EN1: variants seen among roughly 807,000 people sequenced by gnomAD.
EN1 encodes the protein engrailed homeobox 1.
A neutral mutation model predicts 22.9 loss-of-function variants in EN1; 8 were observed. That is an observed-to-expected ratio of 0.35 (90% confidence interval 0.20 to 0.63). The LOEUF is 0.63. EN1 is among the 20% of genes least tolerant of loss of function. The pLI is 0.73. For synonymous variants in EN1, 287 were observed against 262.5 expected, an observed-to-expected ratio of 1.09 and a Z score of -0.90; for missense variants, 521 against 572.1, an observed-to-expected ratio of 0.91 and a Z score of 0.91.
rs750434634 is a variant in EN1 at position 118,846,788 on chromosome 2, A to G, written c.380T>C (p.Leu127Pro). Residue 127 changes from leucine (L) to proline (P), a missense_variant, in exon 1 of 2, where the codon CTG becomes CCG. Leu to Pro is a moderately conservative substitution (Grantham distance 98, BLOSUM62 -3). Around this residue, in one of 3 missense-constraint regions of EN1, gnomAD observed 436 missense variants for 410.1 expected, o/e 1.06. Transcript: ENST00000295206. This position sits in a 1 kb window ranked among gnomAD's most constrained non-coding sequence, Gnocchi z 5.0. ...GCCTCCTCTGGCCGCCGCAGCCACC[A>G]GAAGCTGCGGTGGCGGCTGCTCCTT... ...CKKEQPPPQL[L>P]VAAAARGGAG... is the part of the protein sequence containing the mutation. The G allele has an allele frequency of 4.4e-6, 7 of 1,595,318 alleles. No individual in the cohort carries two copies. The highest frequency in any genetic ancestry group is 2.2e-5 in the South Asian group (2 of 90,036).
rs771044490 is a variant in EN1, at chr2:118,846,486, T to C, written c.682A>G (p.Ser228Gly). The C allele has an allele frequency of 2.5e-6, 4 of 1,584,170 alleles. No homozygotes were observed. The highest frequency in any genetic ancestry group is 3.5e-5 in the Admixed American group (2 of 57,108). ...CCGGGGCTCCCCGCGCCGCCTCCACTGCCGCCGCCACCGGTGTCCGAGGGC... is the reference window on the plus strand; with the variant it reads ...CCGGGGCTCCCCGCGCCGCCTCCACCGCCGCCGCCACCGGTGTCCGAGGGC... The part of the protein sequence containing the change: ...AKPSDTGGGG[S>G]GGGAGSPGAQ... The change falls in exon 1 of 2, where the codon AGT becomes GGT. Residue 228 changes from serine to glycine, a missense_variant. Ser to Gly is a moderately conservative substitution (Grantham distance 56). This residue lies in a region of EN1 where 436 missense variants were observed against 410.1 expected (regional missense o/e 1.06). Transcript: ENST00000295206. This position sits in a 1 kb window ranked among gnomAD's most constrained non-coding sequence, Gnocchi z 5.0.
rs747015385 is a variant in EN1 at position 118,842,901 on chromosome 2, C to G, written c.*37G>C. On this transcript the variant is annotated 3_prime_UTR_variant, in exon 2 of 2. Transcript: ENST00000295206. ...GGCCGGGAGACGACGGCGGCGGTGCCGGGAGGGGGCGCGGGCGCGGCCCCG... is the reference window on the plus strand; with the variant it reads ...GGCCGGGAGACGACGGCGGCGGTGCGGGGAGGGGGCGCGGGCGCGGCCCCG... 3 of 1,577,884 alleles carry G rather than the reference C, an allele frequency of 1.9e-6. No homozygotes were observed. The highest frequency in any genetic ancestry group is 2.3e-5 in the East Asian group (1 of 44,182).
intron 1 of EN1, among the ~76,000 whole-genome samples, chr2:118,844,782 C>T (rs1353571318): frequency 6.6e-6 from 1 of 152,212 alleles, no homozygotes; most frequent in Non-Finnish European, 1.5e-5. Flanking sequence ...GGCTCATCCC[C>T]TCCTCCCCCA....
intron 1 of EN1, among the ~76,000 whole-genome samples, chr2:118,845,840 T>C (rs1047737635): frequency 6.6e-6 from 1 of 152,222 alleles, no homozygotes; most frequent in Non-Finnish European, 1.5e-5. Flanking sequence ...AGATGGTGTT[T>C]GTGTCTGTAA....
At chr2:118,843,387 C>G in intron 1 of EN1, 133 bp from the exon 2 acceptor site, 1 of 790,158 alleles carries the variant, frequency 1.3e-6, no homozygotes, top group Non-Finnish European at 2.0e-6. Flanking sequence ...CCGGGGCGAT[C>G]TCGGAGGCCC....
Position 118,846,156 on chromosome 2 carries a change from T to G in EN1, c.862+150A>C, listed in dbSNP as rs1289311547. Reference sequence around the variant, plus strand: ...CCAGGATCGCATAGCTGGATGAACATTCGGTTGTGACTGGAACTGGGGTGA... The same window carrying G: ...CCAGGATCGCATAGCTGGATGAACAGTCGGTTGTGACTGGAACTGGGGTGA... On this transcript the variant is annotated intron_variant, in intron 1 of 1. Transcript: ENST00000295206. The surrounding 1 kb of genome is among the most constrained non-coding windows in gnomAD (Gnocchi z 5.0). The G allele has an allele frequency of 1.6e-6, 2 of 1,243,252 alleles. No homozygotes were observed. The highest frequency in any genetic ancestry group is 2.2e-6 in the Non-Finnish European group (2 of 915,714). The allele number at this position is 1,243,252 out of a possible 1,614,324, so 77.0% of individuals were successfully genotyped here.
chr2:118,846,822 C>G lies in EN1; in HGVS notation c.346G>C (p.Gly116Arg), dbSNP rs769021668. The change falls in exon 1 of 2, where the codon GGC (glycine) becomes CGC (arginine). Residue 116 changes from glycine to arginine, a missense_variant. Transcript: ENST00000295206. This position sits in a 1 kb window ranked among gnomAD's most constrained non-coding sequence, Gnocchi z 5.0. Reference protein sequence around the residue: ...FIDNILRPDFGCKKEQPPPQL... With the variant: ...FIDNILRPDFRCKKEQPPPQL... ...GGTGGCGGCTGCTCCTTTTTGCAGC[C>G]GAAGTCCGGCCTCAGGATGTTGTCG... 6.3e-7 allele frequency: 1 copy of G among 1,593,856 alleles called. No individual in the cohort carries two copies.
In EN1 at chr2:118,847,046, C is replaced by G. The variant is rs751592150; in HGVS notation, c.122G>C (p.Ser41Thr). ...LSPGASGSSG[S>T]GSDGDSVPVS... ...CGGCACGCTGTCTCCATCGCTGCCG[C>G]TGCCGCTGCTGCCGCTGGCGCCCGG... The change falls in exon 1 of 2, where the codon AGC becomes ACC. Residue 41 changes from serine (S) to threonine (T), a missense_variant. This residue lies in a region of EN1 where 436 missense variants were observed against 410.1 expected (regional missense o/e 1.06). Transcript: ENST00000295206. The G allele has an allele frequency of 3.5e-6, 5 of 1,413,782 alleles. No individual in the cohort carries two copies. The highest frequency in any genetic ancestry group is 2.8e-6 in the Non-Finnish European group (3 of 1,086,174). The allele number at this position is 1,413,782 out of a possible 1,614,324, so 87.6% of individuals were successfully genotyped here. A position where few individuals can be genotyped will look rare whatever the true frequency, so the allele number is the denominator to read the frequency against.
In EN1 at chr2:118,847,190, G is replaced by A. The variant is rs777820484; in HGVS notation, c.-23C>T. The A allele has an allele frequency of 1.1e-5, 8 of 739,012 alleles. 1 individual carries two copies. The South Asian group carries it at 2.2e-4, about 20-fold the overall frequency. The allele number at this position is 739,012 out of a possible 1,614,324, so 45.8% of individuals were successfully genotyped here. The stretch of plus-strand genomic sequence containing the variant: ...CATGCTCGGCCGCCCCGCCGCCCCG[G>A]CCGCCGCGCCGGCCCCCGCCCCCAC... On this transcript the variant is annotated 5_prime_UTR_variant, in exon 1 of 2. Transcript: ENST00000295206.
chr2:118,847,035 C>G lies in EN1; in HGVS notation c.133G>C (p.Gly45Arg). 1 of 1,413,356 alleles carries G rather than the reference C, an allele frequency of 7.1e-7. No homozygotes were observed. Among genetic ancestry groups the G allele is most frequent in the South Asian group, 1.5e-5 (1 of 67,530 alleles). The allele number at this position is 1,413,356 out of a possible 1,614,324, so 87.6% of individuals were successfully genotyped here. A position where few individuals can be genotyped will look rare whatever the true frequency, so the allele number is the denominator to read the frequency against. The change falls in exon 1 of 2, where the codon GGA becomes CGA. Residue 45 changes from glycine to arginine, a missense_variant. Gly to Arg is a moderately radical substitution (Grantham distance 125). This residue lies in a region of EN1 where 436 missense variants were observed against 410.1 expected (regional missense o/e 1.06). Transcript: ENST00000295206. The part of the protein sequence containing the change: ...ASGSSGSGSD[G>R]DSVPVSPQPA... Reference sequence around the variant, plus strand: ...TGCGGGGACACCGGCACGCTGTCTCCATCGCTGCCGCTGCCGCTGCTGCCG... The same window carrying G: ...TGCGGGGACACCGGCACGCTGTCTCGATCGCTGCCGCTGCCGCTGCTGCCG...
chr2:118,846,961 G>A lies in EN1; in HGVS notation c.207C>T (p.Ala69=). ...GGTGTGGGGGGAGGTGCGGGTGGTG[G>A]GCCAGGGGCGGCAGGCAAGGCGCCG... ...PPAAPCLPPL[A]HHPHLPPHPP... The change falls in exon 1 of 2, where the codon GCC becomes GCT. Residue 69 remains alanine (A), a synonymous_variant. Transcript: ENST00000295206. This position sits in a 1 kb window ranked among gnomAD's most constrained non-coding sequence, Gnocchi z 5.0. The A allele has an allele frequency of 1.4e-6, 2 of 1,399,912 alleles. No individual in the cohort carries two copies. Among genetic ancestry groups the A allele is most frequent in the East Asian group, 3.1e-5 (1 of 32,630 alleles). 86.7% of individuals were successfully genotyped at this position (1,399,912 alleles called of 1,614,324 possible).
chr2:118,847,450 A>C lies in EN1; in HGVS notation c.-283T>G. On this transcript the variant is annotated 5_prime_UTR_variant, in exon 1 of 2. Transcript: ENST00000295206. ...TTTTTTCTTTCTGCAACCAGATTCA[A>C]TGATTTGATTTAAATGGGGAGTAAG... is the stretch of plus-strand genomic sequence containing the variant. 6.7e-6 allele frequency: 2 copies of C among 296,320 alleles called. No homozygotes were observed. Among genetic ancestry groups the C allele is most frequent in the Admixed American group, 5.1e-5 (1 of 19,514 alleles). The allele number at this position is 296,320 out of a possible 1,614,324, so 18.4% of individuals were successfully genotyped here.
chr2:118,843,692 G>A (rs1292305771), intron 1 of EN1, among the ~76,000 whole-genome samples: 1 of 152,144 alleles, frequency 6.6e-6, no homozygotes, highest in South Asian at 2.1e-4. Flanking sequence ...CCCCGGAATA[G>A]ATAGGACTGG....
intron 1 of EN1, among the ~76,000 whole-genome samples, chr2:118,844,874 C>G (rs978656922): frequency 6.6e-6 from 1 of 152,224 alleles, no homozygotes; most frequent in Non-Finnish European, 1.5e-5. Context: ...AAGCCAAGGC[C>G]CTCTCCAGAG....
chr2:118,847,051 G>A lies in EN1; in HGVS notation c.117C>T (p.Ser39=). ...LSLSPGASGS[S]GSGSDGDSVP... is the part of the protein sequence containing the mutation. ...CGCTGTCTCCATCGCTGCCGCTGCC[G>A]CTGCTGCCGCTGGCGCCCGGACTGA... Residue 39 remains serine (S), a synonymous_variant, in exon 1 of 2, where the codon AGC becomes AGT. Transcript: ENST00000295206. 2 of 1,415,092 alleles carry A rather than the reference G, an allele frequency of 1.4e-6. No individual in the cohort carries two copies. Among genetic ancestry groups the A allele is most frequent in the Non-Finnish European group, 1.8e-6 (2 of 1,086,782 alleles). The allele number at this position is 1,415,092 out of a possible 1,614,324, so 87.7% of individuals were successfully genotyped here. A position where few individuals can be genotyped will look rare whatever the true frequency, so the allele number is the denominator to read the frequency against.
chr2:118,846,971 G>T lies in EN1; in HGVS notation c.197C>A (p.Pro66Gln), dbSNP rs1186108250. 1.4e-6 allele frequency: 2 copies of T among 1,381,522 alleles called. No homozygotes were observed. The highest frequency in any genetic ancestry group is 3.3e-5 in the South Asian group (2 of 59,722). The allele number at this position is 1,381,522 out of a possible 1,614,324, so 85.6% of individuals were successfully genotyped here. Residue 66 changes from proline (P) to glutamine (Q), a missense_variant, in exon 1 of 2, where the codon CCG becomes CAG. Pro to Gln is a moderately conservative substitution (Grantham distance 76, BLOSUM62 -1). Around this residue, in one of 3 missense-constraint regions of EN1, gnomAD observed 436 missense variants for 410.1 expected, o/e 1.06. Transcript: ENST00000295206. The surrounding 1 kb of genome is among the most constrained non-coding windows in gnomAD (Gnocchi z 5.0). ...PPSPPAAPCLPPLAHHPHLPP... is the reference protein window; with the variant it reads ...PPSPPAAPCLQPLAHHPHLPP... ...GAGGTGCGGGTGGTGGGCCAGGGGCGGCAGGCAAGGCGCCGCGGGCGGCGA... is the reference window on the plus strand; with the variant it reads ...GAGGTGCGGGTGGTGGGCCAGGGGCTGCAGGCAAGGCGCCGCGGGCGGCGA...
chr2:118,845,266 T>C (rs559804671), intron 1 of EN1, among the ~76,000 whole-genome samples: 3 of 152,256 alleles, frequency 2.0e-5, no homozygotes, highest in Admixed American at 6.5e-5. Flanking sequence ...GGCTACGTTG[T>C]TCCCGGCCCC....
rs772243299 is a variant in EN1, at chr2:118,846,696, G to T, written c.472C>A (p.Pro158Thr). 6 of 1,587,664 alleles carry T rather than the reference G, an allele frequency of 3.8e-6. No homozygotes were observed. Among genetic ancestry groups the T allele is most frequent in the East Asian group, 2.3e-5 (1 of 43,748 alleles). Residue 158 changes from proline (P) to threonine (T), a missense_variant, in exon 1 of 2, where the codon CCG becomes ACG. By Grantham distance (38) the Pro-to-Thr change is conservative (BLOSUM62 -1). Coordinates refer to ENST00000295206, the MANE Select transcript of EN1 (RefSeq NM_001426.4). The surrounding 1 kb of genome is among the most constrained non-coding windows in gnomAD (Gnocchi z 5.0). Reference protein sequence around the residue: ...QTAAGRDPVHPLGTRAPGAAS... With the variant: ...QTAAGRDPVHTLGTRAPGAAS... ...GCGCCTGGCGCCCGGGTGCCCAACG[G>T]GTGGACAGGGTCTCTACCTGCGGCA...
Position 118,846,298 on chromosome 2 carries a change from G to A in EN1, c.862+8C>T, listed in dbSNP as rs764160256. The A allele has an allele frequency of 1.9e-6, 3 of 1,607,490 alleles. No homozygotes were observed. The highest frequency in any genetic ancestry group is 2.5e-6 in the Non-Finnish European group (3 of 1,177,246). ...AAGGCATGGCGCAGCCCGGAGTTGGGTACTCACCGGAGGATGGACGATCCG... is the reference window on the plus strand; with the variant it reads ...AAGGCATGGCGCAGCCCGGAGTTGGATACTCACCGGAGGATGGACGATCCG... On this transcript the variant is annotated splice_region_variant and intron_variant, in intron 1 of 1. Coordinates refer to ENST00000295206, the MANE Select transcript of EN1 (RefSeq NM_001426.4). This position sits in a 1 kb window ranked among gnomAD's most constrained non-coding sequence, Gnocchi z 5.0.
Sources: allele counts gnomAD v4.1 joint callset (sites outside exome capture counted in the v4.1 genomes callset), GRCh38; gene constraint gnomAD v4.1.1; regional missense constraint gnomAD v4.1.1; non-coding constraint Gnocchi (gnomAD v3.1); transcripts MANE v1.5; gene names NCBI Gene and HGNC (gene_info 2026-07-23, HGNC 2026-07-21).